The following PUDP variants were observed in gnomAD, a reference collection of about 807,000 sequenced individuals.
The protein encoded by PUDP is pseudouridine-5'-phosphatase.
A neutral mutation model predicts 9.4 loss-of-function variants in PUDP; 8 were observed. The ratio of observed to expected loss-of-function variants is 0.85; its 90% CI spans 0.50 to 1.53. PUDP has a LOEUF of 1.53. Ranked by LOEUF, PUDP falls within the 40% of genes most tolerant of loss-of-function variation. The pLI, the probability that PUDP is intolerant of heterozygous loss-of-function variation, is 0.00. For synonymous variants in PUDP, 99 were observed against 80.7 expected, an observed-to-expected ratio of 1.23 and a Z score of -1.22; for missense variants, 188 against 189.7, an observed-to-expected ratio of 0.99 and a Z score of 0.05.
chrX:6,792,956 C>T (rs746044475), intron 3 of PUDP, among the ~76,000 whole-genome samples: 1 of 112,962 alleles, frequency 8.9e-6, no homozygotes, highest in East Asian at 2.8e-4. Flanking sequence ...AGTTGAGGGG[C>T]ATAGGCCCAT....
chrX:6,863,584 T>C (rs773562800), intron 3 of PUDP, among the ~76,000 whole-genome samples: 9 of 112,046 alleles, frequency 8.0e-5, no homozygotes, highest in Non-Finnish European at 1.3e-4. Flanking sequence ...TGGGTAAACA[T>C]ACATGTAACT....
At chrX:6,840,933 T>A (rs1044380632) in intron 3 of PUDP, among the ~76,000 whole-genome samples, 2 of 110,695 alleles carry the variant, frequency 1.8e-5, no homozygotes, top group Non-Finnish European at 1.9e-5. Flanking sequence ...AATAGTCTTT[T>A]AAAAAAAAGG....
At chrX:6,879,451 C>A (rs1005431898) in intron 3 of PUDP, among the ~76,000 whole-genome samples, 22 of 111,304 alleles carry the variant, frequency 2.0e-4, no homozygotes, top group Non-Finnish European at 2.6e-4. Flanking sequence ...CACACACACA[C>A]ACACACACAC....
intron 1 of PUDP, among the ~76,000 whole-genome samples, chrX:6,981,702 T>A (rs1025558838): frequency 3.6e-5 from 4 of 111,417 alleles, no homozygotes; most frequent in African/African-American, 1.3e-4. Context: ...ATTTTAGAAA[T>A]CATCTATTCC....
At chrX:6,879,056 A>G (rs1206473333) in intron 3 of PUDP, among the ~76,000 whole-genome samples, 2 of 111,813 alleles carry the variant, frequency 1.8e-5, no homozygotes, top group African/African-American at 6.5e-5. Flanking sequence ...AAAAGTGTCT[A>G]TTGAATAGCC....
chrX:6,996,622 ATGTGTGTGTATATATATATG>A (rs1186907212), intron 1 of PUDP, among the ~76,000 whole-genome samples: 2 of 105,997 alleles, frequency 1.9e-5, no homozygotes, highest in African/African-American at 6.9e-5. Flanking sequence ...ATATATATAT[ATGTGTGTGTATATATATATG>A]TGTGTGTGTA....
At chrX:6,957,325 C>T (rs1328243192) in intron 3 of PUDP, among the ~76,000 whole-genome samples, 5 of 110,529 alleles carry the variant, frequency 4.5e-5, no homozygotes, top group Admixed American at 3.9e-4. Context: ...AGGCTCTGCC[C>T]TTATGAATGG....
intron 1 of PUDP, among the ~76,000 whole-genome samples, chrX:7,018,895 G>T (rs749121979): frequency 9.8e-5 from 11 of 112,274 alleles, no homozygotes; most frequent in Non-Finnish European, 1.7e-4. Flanking sequence ...TCACTAAACA[G>T]ACCCAGAATT....
At chrX:7,048,900 A>G (rs1322517759), downstream of PUDP, 2 of 112,421 alleles carry the variant, frequency 1.8e-5, no homozygotes, top group Non-Finnish European at 3.7e-5. Flanking sequence ...AGGTAAAATC[A>G]TGACTCTCAT....
At chrX:6,844,742 T>A (rs894308259) in intron 3 of PUDP, among the ~76,000 whole-genome samples, 1 of 112,143 alleles carries the variant, frequency 8.9e-6, no homozygotes, top group Non-Finnish European at 1.9e-5. Context: ...CCCACAATGA[T>A]GCCATATTCA....
At chrX:6,774,857 G>T (rs1173341565) in intron 3 of PUDP, among the ~76,000 whole-genome samples, 1 of 112,430 alleles carries the variant, frequency 8.9e-6, no homozygotes, top group Non-Finnish European at 1.9e-5. Context: ...AAGCCCAGCT[G>T]CACATTAGCA....
At chrX:7,052,623 A>G (rs1427918729) in intron 3 of PUDP, among the ~76,000 whole-genome samples, 1 of 111,549 alleles carries the variant, frequency 9.0e-6, no homozygotes, top group South Asian at 3.8e-4. Context: ...CTAAAATATC[A>G]TATTAGCCAA....
At chrX:6,800,232 C>T (rs559382029) in intron 3 of PUDP, among the ~76,000 whole-genome samples, 1 of 111,972 alleles carries the variant, frequency 8.9e-6, no homozygotes, top group South Asian at 3.8e-4. Flanking sequence ...ATATAGTCCT[C>T]CTCAGTCCCG....
At chrX:7,111,991 TAAA>T (rs5901334) in intron 1 of PUDP, among the ~76,000 whole-genome samples, 1 of 98,189 alleles carries the variant, frequency 1.0e-5, no homozygotes. Context: ...ATATTTTGCT[TAAA>T]AAAAAAAAAA....
intron 3 of PUDP, among the ~76,000 whole-genome samples, chrX:6,891,796 A>T (rs1231855714): frequency 8.9e-6 from 1 of 111,982 alleles, no homozygotes; most frequent in Non-Finnish European, 1.9e-5. Context: ...TCTTCCATGA[A>T]GACCTCTATG....
intron 3 of PUDP, among the ~76,000 whole-genome samples, chrX:6,863,205 G>A (rs763112048): frequency 8.9e-6 from 1 of 111,943 alleles, no homozygotes; most frequent in South Asian, 3.8e-4. Flanking sequence ...ATGTGCAACA[G>A]TGCCTGGCTA....
chrX:7,028,133 AAT>A (rs1379794930), intron 1 of PUDP, among the ~76,000 whole-genome samples: 2 of 107,900 alleles, frequency 1.9e-5, no homozygotes, highest in African/African-American at 3.3e-5. Context: ...ATTCAATAAA[AAT>A]ATATAGATAT....
rs752919515 is a variant in PUDP at position 7,049,281 on chromosome X, G to A, written c.*1015C>T. On this transcript the variant is annotated 3_prime_UTR_variant, in exon 4 of 4. Transcript: ENST00000381077. The stretch of plus-strand genomic sequence containing the variant: ...CGTTTTTCTCTGGCAAATCAGAGAC[G>A]AATTTTAAAGACTGAGTAAATCTAT... The A allele has an allele frequency of 8.0e-5, 9 of 112,157 alleles. No individual in the cohort carries two copies. Among genetic ancestry groups the A allele is most frequent in the South Asian group, 7.5e-4 (2 of 2,679 alleles). 9.2% of individuals were successfully genotyped at this position (112,157 alleles called of 1,213,427 possible).
At chrX:6,895,858 C>T (rs893455510) in intron 3 of PUDP, among the ~76,000 whole-genome samples, 5 of 110,834 alleles carry the variant, frequency 4.5e-5, no homozygotes, top group South Asian at 3.9e-4. Context: ...GGTGGGGACT[C>T]GCTTCCTAGT....
Sources: allele counts gnomAD v4.1 joint callset (sites outside exome capture counted in the v4.1 genomes callset), GRCh38; gene constraint gnomAD v4.1.1; transcripts MANE v1.5; gene names NCBI Gene and HGNC (gene_info 2026-07-23, HGNC 2026-07-21).